Variants in RIMBP2 observed in about 807,000 individuals in gnomAD.
RIMBP2 encodes RIMS binding protein 2.
A neutral mutation model predicts 118.6 loss-of-function variants in RIMBP2; 48 were observed. The ratio of observed to expected loss-of-function variants is 0.40; its 90% CI spans 0.32 to 0.51. The LOEUF is 0.51. RIMBP2 is among the 20% of genes least tolerant of loss of function. The probability of loss-of-function intolerance (pLI) is 0.41; values close to 1 mark genes in which losing one functional copy is unlikely to be tolerated. For synonymous variants in RIMBP2, 762 were observed against 742.9 expected (o/e 1.03, Z -0.42); for missense variants, 1,551 against 1,768.3 (o/e 0.88, Z 2.20).
At chr12:130,553,182 A>C (rs1053096702) in intron 2 of RIMBP2, among the ~76,000 whole-genome samples, 3 of 151,570 alleles carry the variant, frequency 2.0e-5, no homozygotes, top group Non-Finnish European at 4.4e-5. Flanking sequence ...AAAAGAAAAT[A>C]GGACAGATCA....
chr12:130,427,922 A>T, intron 15 of RIMBP2: 1 of 363,240 alleles, frequency 2.8e-6, no homozygotes, highest in Non-Finnish European at 4.9e-6. Flanking sequence ...CCTGGCACAG[A>T]GCTGGGTGCC....
Position 130,436,921 on chromosome 12 carries a change from G to C in RIMBP2, c.2027C>G (p.Pro676Arg). 1 of 1,603,010 alleles carries C rather than the reference G, an allele frequency of 6.2e-7. No individual in the cohort carries two copies. Among genetic ancestry groups the C allele is most frequent in the Non-Finnish European group, 8.5e-7 (1 of 1,176,190 alleles). Residue 676 changes from proline to arginine, a missense_variant, in exon 13 of 23, where the codon CCA (proline) becomes CGA (arginine). Physicochemically the swap from Pro to Arg is moderately radical, Grantham distance 103. Coordinates refer to ENST00000690449, the MANE Select transcript of RIMBP2 (RefSeq NM_001393629.1). ...SPSPSRILPQPQGTPVSTTVA... is the reference protein window; with the variant it reads ...SPSPSRILPQRQGTPVSTTVA... ...GGTGGTGGACACCGGGGTGCCCTGT[G>C]GCTGTGGCAGGATGCGGCTGGGTGA...
rs1305478377 is a variant in RIMBP2, at chr12:130,406,163, A to G, written c.3765+9T>C. 41 of 1,482,088 alleles carry G rather than the reference A, an allele frequency of 2.8e-5. No homozygotes were observed. Among genetic ancestry groups the G allele is most frequent in the Non-Finnish European group, 3.8e-5 (40 of 1,064,516 alleles). The allele number at this position is 1,482,088 out of a possible 1,614,324, so 91.8% of individuals were successfully genotyped here. On this transcript the variant is annotated intron_variant, in intron 21 of 22. Coordinates refer to ENST00000690449, the MANE Select transcript of RIMBP2 (RefSeq NM_001393629.1). ...TCAAATGGTACTTCTTGATATTTCA[A>G]AAACTTACATAATAAAATCCATCTT... is the stretch of plus-strand genomic sequence containing the variant.
chr12:130,458,612 C>A (rs575152516), intron 6 of RIMBP2, among the ~76,000 whole-genome samples: 1 of 152,368 alleles, frequency 6.6e-6, no homozygotes, highest in Admixed American at 6.5e-5. Context: ...AACCCCCAGG[C>A]ACCCATGGGG....
intron 2 of RIMBP2, among the ~76,000 whole-genome samples, chr12:130,611,628 G>A (rs1434946986): frequency 2.0e-5 from 3 of 152,182 alleles, no homozygotes; most frequent in Non-Finnish European, 4.4e-5. Flanking sequence ...GCACAGCCTC[G>A]ATTTAGGAAG....
intron 10 of RIMBP2, among the ~76,000 whole-genome samples, chr12:130,443,509 G>A (rs545262040): frequency 9.8e-5 from 15 of 152,294 alleles, no homozygotes; most frequent in Admixed American, 7.2e-4. Flanking sequence ...GAGAGGGGCT[G>A]GGAAATGCTG....
At chr12:130,476,439 C>T (rs1004251606) in intron 5 of RIMBP2, among the ~76,000 whole-genome samples, 6 of 152,160 alleles carry the variant, frequency 3.9e-5, no homozygotes, top group Admixed American at 1.3e-4. Flanking sequence ...TCAGCTAATC[C>T]GTGCCTCATG....
At chr12:130,491,564 C>T (rs2048643214) in intron 4 of RIMBP2, among the ~76,000 whole-genome samples, 2 of 152,228 alleles carry the variant, frequency 1.3e-5, no homozygotes, top group Non-Finnish European at 2.9e-5. Flanking sequence ...ATCTGCACTT[C>T]TGGGGGGCAA....
At chr12:130,608,791 TGA>T (rs929110595) in intron 2 of RIMBP2, among the ~76,000 whole-genome samples, 5 of 152,346 alleles carry the variant, frequency 3.3e-5, no homozygotes, top group Admixed American at 1.3e-4. Context: ...TATTTTGTGG[TGA>T]GAGAACTTAA....
chr12:130,638,128 T>C (rs574374841), intron 1 of RIMBP2, among the ~76,000 whole-genome samples: 1 of 152,280 alleles, frequency 6.6e-6, no homozygotes, highest in African/African-American at 2.4e-5. Flanking sequence ...ATCGCCAATG[T>C]CTTGCCTTCT....
At chr12:130,554,817 G>A (rs530653104) in intron 2 of RIMBP2, among the ~76,000 whole-genome samples, 5 of 152,206 alleles carry the variant, frequency 3.3e-5, no homozygotes, top group Admixed American at 6.5e-5. Context: ...CTTATGTGCC[G>A]TTCTACACAT....
At chr12:130,639,535 T>C (rs1464131327) in intron 1 of RIMBP2, among the ~76,000 whole-genome samples, 2 of 146,074 alleles carry the variant, frequency 1.4e-5, no homozygotes, top group Non-Finnish European at 3.0e-5. Flanking sequence ...TCACATTTTT[T>C]TCAAAACTGA....
At chr12:130,673,438 T>C (rs910034418) in intron 1 of RIMBP2, among the ~76,000 whole-genome samples, 2 of 152,186 alleles carry the variant, frequency 1.3e-5, no homozygotes, top group African/African-American at 4.8e-5. Flanking sequence ...CTGAAGAACC[T>C]TGTGATGCCT....
chr12:130,712,678 A>G (rs977962008), intron 1 of RIMBP2, among the ~76,000 whole-genome samples: 15 of 152,242 alleles, frequency 9.9e-5, no homozygotes, highest in Non-Finnish European at 2.1e-4. Flanking sequence ...TAAAAGTTAC[A>G]GTAAATCCAT....
Position 130,406,201 on chromosome 12 carries a change from CA to C in RIMBP2, c.3735del (p.Phe1245LeufsTer14). ...TAAAATCCATCTTCATCAATTTCACCAAAAACTGTAATAATATCTCCTGTGC... is the reference window on the plus strand; with the variant it reads ...TAAAATCCATCTTCATCAATTTCACCAAAACTGTAATAATATCTCCTGTGC... ...TFCTGDIITV[F>X]GEIDEDGFYY... On this transcript the variant is annotated frameshift_variant, in exon 21 of 23. Transcript: ENST00000690449. LOFTEE classifies it high-confidence loss of function. 1 of 1,600,166 alleles carries C rather than the reference CA, an allele frequency of 6.2e-7. No homozygotes were observed. Among genetic ancestry groups the C allele is most frequent in the African/African-American group, 1.3e-5 (1 of 74,680 alleles).
Position 130,420,200 on chromosome 12 carries a change from A to G in RIMBP2, c.3238+2253T>C, listed in dbSNP as rs940994825. Among the ~76,000 whole-genome samples the G allele has an allele frequency of 2.0e-5, 3 of 152,182 alleles. No individual in the cohort carries two copies. Among genetic ancestry groups the G allele is most frequent in the Non-Finnish European group, 4.4e-5 (3 of 68,044 alleles). Reference sequence around the variant, plus strand: ...AGTCCTCCTCCTCCTCAGGTGGGTGATAAGCACCCTCCGCTTCTGTTTCCT... The same window carrying G: ...AGTCCTCCTCCTCCTCAGGTGGGTGGTAAGCACCCTCCGCTTCTGTTTCCT... On this transcript the variant is annotated intron_variant, in intron 17 of 22. Coordinates refer to ENST00000690449, the MANE Select transcript of RIMBP2 (RefSeq NM_001393629.1). This position sits in a 1 kb window ranked among gnomAD's most constrained non-coding sequence, Gnocchi z 4.3.
At position 130,670,172 on chromosome 12, in the gene RIMBP2, G is replaced by A. The variant is rs1413213325; in HGVS notation, c.-351-41716C>T. 6.6e-6 allele frequency among the ~76,000 whole-genome samples: 1 copy of A among 152,102 alleles called. No homozygotes were observed. The highest frequency in any genetic ancestry group is 2.1e-4 in the South Asian group (1 of 4,812). On this transcript the variant is annotated intron_variant, in intron 1 of 22. Coordinates refer to ENST00000690449, the MANE Select transcript of RIMBP2 (RefSeq NM_001393629.1). The surrounding 1 kb of genome is among the most constrained non-coding windows in gnomAD (Gnocchi z 4.9). ...CAGGAGCCCAGGAATGCCTACGGTT[G>A]GGAGAGACAAGGAAGAGGCCCTCCC...
intron 1 of RIMBP2, among the ~76,000 whole-genome samples, chr12:130,672,877 C>T (rs749894055): frequency 6.1e-4 from 93 of 152,284 alleles, no homozygotes; most frequent in Admixed American, 1.7e-3. Context: ...ACAGCGTTTA[C>T]AGGCCTTATC....
At chr12:130,674,775 C>G (rs369254524) in intron 1 of RIMBP2, among the ~76,000 whole-genome samples, 2 of 152,162 alleles carry the variant, frequency 1.3e-5, no homozygotes, top group South Asian at 2.1e-4. Context: ...CCATTCCCCA[C>G]CCCCGCCCCT....
Sources: gnomAD v4.1 joint callset for allele counts (sites outside exome capture counted in the v4.1 genomes callset) on GRCh38, gnomAD v4.1.1 for gene constraint, Gnocchi (gnomAD v3.1) non-coding constraint, MANE v1.5 for transcripts, NCBI Gene and HGNC (gene_info 2026-07-23, HGNC 2026-07-21) for gene names.